Variants in GBE1 observed in about 807,000 individuals in gnomAD.
The protein encoded by GBE1 is 1,4-alpha-glucan branching enzyme 1.
A neutral mutation model predicts 88.8 loss-of-function variants in GBE1; 70 were observed. The observed-to-expected ratio is 0.79, with a 90% CI of 0.65 to 0.96. The LOEUF (loss-of-function observed/expected upper bound fraction) is 0.96. Among genes scored for constraint, GBE1 ranks in the 40% least tolerant of loss-of-function variants. The pLI is 0.00. For missense variants in GBE1, 872 were observed against 871.0 expected, an observed-to-expected ratio of 1.00 and a Z score of -0.01; for synonymous variants, 284 against 300.1, an observed-to-expected ratio of 0.95 and a Z score of 0.56.
intron 1 of GBE1, among the ~76,000 whole-genome samples, chr3:81,740,771 C>CACACAT (rs1382602973): frequency 6.6e-6 from 1 of 151,882 alleles, no homozygotes; most frequent in Middle Eastern, 3.4e-3. Flanking sequence ...AAAGTGCACA[C>CACACAT]ACACACACAC....
At chr3:81,667,805 C>A (rs987182419) in intron 3 of GBE1, among the ~76,000 whole-genome samples, 12 of 152,128 alleles carry the variant, frequency 7.9e-5, no homozygotes, top group African/African-American at 2.9e-4. Context: ...CTAACTTGAT[C>A]TTGATGGATA....
intron 7 of GBE1, among the ~76,000 whole-genome samples, chr3:81,604,017 C>T (rs1157798070): frequency 1.3e-5 from 2 of 152,100 alleles, no homozygotes; most frequent in Non-Finnish European, 2.9e-5. Context: ...CCGAATCCCA[C>T]AATCTCAATT....
intron 7 of GBE1, among the ~76,000 whole-genome samples, chr3:81,615,537 T>A (rs748570283): frequency 6.6e-6 from 1 of 152,234 alleles, no homozygotes; most frequent in Non-Finnish European, 1.5e-5. Context: ...CAAAATGGAA[T>A]ATGTCCCTTT....
intron 1 of GBE1, among the ~76,000 whole-genome samples, chr3:81,710,394 C>T (rs147942007): frequency 0.02 from 3,003 of 150,768 alleles, 44 homozygotes; most frequent in Non-Finnish European, 0.032. Flanking sequence ...ACCACCACGC[C>T]CGGCTTATTT....
chr3:81,541,460 C>CA (rs1559639139), intron 12 of GBE1, among the ~76,000 whole-genome samples: 3 of 142,432 alleles, frequency 2.1e-5, no homozygotes, highest in Admixed American at 7.0e-5. Context: ...GCCCCCCCCG[C>CA]CACCTCGCCC....
chr3:81,734,104 A>T (rs1706223973), intron 1 of GBE1, among the ~76,000 whole-genome samples: 1 of 152,226 alleles, frequency 6.6e-6, no homozygotes, highest in African/African-American at 2.4e-5. Flanking sequence ...TTTCCAAAAT[A>T]ACTTTTATTC....
chr3:81,620,323 C>T (rs1049450615), intron 7 of GBE1, among the ~76,000 whole-genome samples: 2 of 151,918 alleles, frequency 1.3e-5, no homozygotes, highest in Non-Finnish European at 2.9e-5. Flanking sequence ...GCTGGGATTA[C>T]AGGGGCCTGC....
At chr3:81,514,882 A>G (rs1413521618) in intron 14 of GBE1, among the ~76,000 whole-genome samples, 1 of 151,584 alleles carries the variant, frequency 6.6e-6, no homozygotes, top group African/African-American at 2.4e-5. Context: ...GGTAATTTCT[A>G]CTGGCCAGAA....
At chr3:81,534,585 G>T (rs928922288) in intron 14 of GBE1, 1 of 151,992 alleles carries the variant, frequency 6.6e-6, no homozygotes, top group African/African-American at 2.4e-5. Flanking sequence ...GGCCTACAAA[G>T]GTATGCTGTG....
chr3:81,719,809 T>A (rs1032025942), intron 1 of GBE1, among the ~76,000 whole-genome samples: 1 of 151,672 alleles, frequency 6.6e-6, no homozygotes, highest in Non-Finnish European at 1.5e-5. Context: ...CAAACACTAA[T>A]TTTTTTACCT....
chr3:81,685,667 C>T (rs1705426307), intron 2 of GBE1, among the ~76,000 whole-genome samples: 2 of 152,044 alleles, frequency 1.3e-5, no homozygotes, highest in African/African-American at 2.4e-5. Context: ...CAAGCGTGAG[C>T]CATTGCGCTC....
At chr3:81,584,254 GC>G (rs1321890982) in intron 10 of GBE1, among the ~76,000 whole-genome samples, 1 of 151,904 alleles carries the variant, frequency 6.6e-6, no homozygotes, top group African/African-American at 2.4e-5. Flanking sequence ...TACATAATTT[GC>G]TTTTGAACAA....
chr3:81,729,999 GAAGA>G (rs1324910854), intron 1 of GBE1, among the ~76,000 whole-genome samples: 1 of 152,160 alleles, frequency 6.6e-6, no homozygotes, highest in African/African-American at 2.4e-5. Context: ...GTCCTCCCAA[GAAGA>G]AATACTTATT....
intron 12 of GBE1, among the ~76,000 whole-genome samples, chr3:81,561,334 A>T (rs867156937): frequency 1.4e-4 from 22 of 152,116 alleles, no homozygotes; most frequent in Non-Finnish European, 1.6e-4. Context: ...ATTACCTAAA[A>T]TATGAATATG....
At chr3:81,757,874 A>G (rs1706624915) in intron 1 of GBE1, among the ~76,000 whole-genome samples, 1 of 152,206 alleles carries the variant, frequency 6.6e-6, no homozygotes, top group Non-Finnish European at 1.5e-5. Context: ...ATGGATGAGA[A>G]TGTCTAGGGA....
In GBE1 at chr3:81,664,757, G is replaced by A. The variant is rs561637495; in HGVS notation, c.429+6081C>T. Among the ~76,000 whole-genome samples, 19 of 152,094 alleles carry A rather than the reference G, an allele frequency of 1.2e-4. No homozygotes were observed. The East Asian group carries it at 2.3e-3, about 19-fold the overall frequency. ...TGTAATTACCAGTGCAAAACATTACGGATTATTATTTCATTATTATTATCA... is the reference window on the plus strand; with the variant it reads ...TGTAATTACCAGTGCAAAACATTACAGATTATTATTTCATTATTATTATCA... On this transcript the variant is annotated intron_variant, in intron 3 of 15. Transcript: ENST00000429644.
chr3:81,532,588 C>T (rs758885134), intron 14 of GBE1, among the ~76,000 whole-genome samples: 174 of 152,076 alleles, frequency 1.1e-3, no homozygotes, highest in Non-Finnish European at 1.1e-3. Context: ...CTCATGAAAG[C>T]TCCCTTACAC....
intron 14 of GBE1, among the ~76,000 whole-genome samples, chr3:81,512,840 T>C (rs1385068042): frequency 6.6e-6 from 1 of 151,854 alleles, no homozygotes; most frequent in African/African-American, 2.4e-5. Flanking sequence ...AATTTAACTT[T>C]TGGTACTAAT....
chr3:81,595,389 A>G (rs1207721381), intron 7 of GBE1, among the ~76,000 whole-genome samples: 3 of 151,836 alleles, frequency 2.0e-5, no homozygotes, highest in Non-Finnish European at 4.4e-5. Flanking sequence ...TAGTTTTCTT[A>G]TAATTAATAA....
Sources: allele counts gnomAD v4.1 joint callset (sites outside exome capture counted in the v4.1 genomes callset), GRCh38; gene constraint gnomAD v4.1.1; transcripts MANE v1.5; gene names NCBI Gene and HGNC (gene_info 2026-07-23, HGNC 2026-07-21).